The following FGF14 variants were observed in gnomAD, a reference collection of about 807,000 sequenced individuals.
FGF14 encodes the protein fibroblast growth factor 14.
Under a neutral mutation model 25.5 loss-of-function variants are expected in FGF14, and 5 were observed. The observed-to-expected ratio is 0.20, with a 90% CI of 0.10 to 0.41. The LOEUF (loss-of-function observed/expected upper bound fraction) is 0.41, where lower values mean the gene tolerates loss of function less well. Among genes scored for constraint, FGF14 ranks in the 10% least tolerant of loss-of-function variants. The probability of loss-of-function intolerance (pLI) is 1.00; values close to 1 mark genes in which losing one functional copy is unlikely to be tolerated. For missense variants in FGF14, 222 were observed against 320.1 expected (o/e 0.69, Z 2.34); for synonymous variants, 138 against 118.3 (o/e 1.17, Z -1.08).
At chr13:102,068,716 A>G (rs2043014814) in intron 1 of FGF14, among the ~76,000 whole-genome samples, 1 of 152,184 alleles carries the variant, frequency 6.6e-6, no homozygotes, top group African/African-American at 2.4e-5. Flanking sequence ...CCCGCGGGGC[A>G]GGGCTCGGGA....
intron 1 of FGF14, among the ~76,000 whole-genome samples, chr13:102,040,413 G>A (rs566440883): frequency 6.6e-6 from 1 of 152,058 alleles, no homozygotes. Context: ...CAGCTATACC[G>A]TCAAAAATTT....
rs2034736204 is a variant in FGF14, at chr13:101,716,704, C to T, written c.*6127G>A. On this transcript the variant is annotated 3_prime_UTR_variant, in exon 5 of 5. Coordinates refer to ENST00000376143, the MANE Select transcript of FGF14 (RefSeq NM_004115.4). Reference sequence around the variant, plus strand: ...TACTTTTTTTTCTAAGGATACCTTACTTACTGGAAACCTGGGGTCATGCAA... The same window carrying T: ...TACTTTTTTTTCTAAGGATACCTTATTTACTGGAAACCTGGGGTCATGCAA... 6.7e-6 allele frequency: 1 copy of T among 149,658 alleles called. No individual in the cohort carries two copies. 9.3% of individuals were successfully genotyped at this position (149,658 alleles called of 1,614,324 possible). A position where few individuals can be genotyped will look rare whatever the true frequency, so the allele number is the denominator to read the frequency against.
intron 1 of FGF14, among the ~76,000 whole-genome samples, chr13:102,049,742 C>T (rs1012414668): frequency 2.0e-5 from 3 of 152,120 alleles, no homozygotes; most frequent in Admixed American, 6.5e-5. Flanking sequence ...TTTACACACA[C>T]GCACCCCCCC....
chr13:102,288,349 T>G (rs778180189), intron 1 of FGF14, among the ~76,000 whole-genome samples: 3 of 152,150 alleles, frequency 2.0e-5, no homozygotes, highest in Non-Finnish European at 4.4e-5. Context: ...TAATTCTAAG[T>G]GCAGCATAAG....
At chr13:102,068,329 C>A (rs370925955) in intron 1 of FGF14, among the ~76,000 whole-genome samples, 1 of 152,210 alleles carries the variant, frequency 6.6e-6, no homozygotes, top group East Asian at 1.9e-4. Flanking sequence ...TCACAGCCCT[C>A]GCTCGCTCTC....
intron 3 of FGF14, among the ~76,000 whole-genome samples, chr13:101,760,422 CAG>C (rs1432047465): frequency 3.3e-5 from 5 of 152,296 alleles, no homozygotes; most frequent in African/African-American, 9.6e-5. Context: ...TGATAATTTT[CAG>C]AGTCACAAAG....
intron 1 of FGF14, among the ~76,000 whole-genome samples, chr13:102,053,401 T>G (rs2042299038): frequency 6.6e-6 from 1 of 151,902 alleles, no homozygotes. Flanking sequence ...AATAGAGAAA[T>G]TATTTCAAAT....
At chr13:101,788,965 GAGAGAC>G (rs1566904068) in intron 3 of FGF14, among the ~76,000 whole-genome samples, 3 of 80,616 alleles carry the variant, frequency 3.7e-5, no homozygotes, top group Admixed American at 1.7e-4. Flanking sequence ...GAGAGAGAGA[GAGAGAC>G]AGAGATAGAT....
chr13:101,821,010 T>TGC lies in FGF14; in HGVS notation c.408+47714_408+47715insGC, dbSNP rs1566941111. ...TCGCCCAGGCTGGAGTGCAGTGGCA[T>TGC]GATCTCGGCTCACTGCAGGCTCCGC... On this transcript the variant is annotated intron_variant, in intron 3 of 4. Coordinates refer to ENST00000376143, the MANE Select transcript of FGF14 (RefSeq NM_004115.4). Among the ~76,000 whole-genome samples, 64 of 143,156 alleles carry TGC rather than the reference T, an allele frequency of 4.5e-4. 2 individuals carry two copies. The highest frequency in any genetic ancestry group is 2.1e-4 in the East Asian group (1 of 4,690). 93.9% of individuals were successfully genotyped at this position (143,156 alleles called of 152,430 possible). A position where few individuals can be genotyped will look rare whatever the true frequency, so the allele number is the denominator to read the frequency against.
At chr13:102,378,976 C>A (rs936841488) in intron 1 of FGF14, among the ~76,000 whole-genome samples, 1 of 152,008 alleles carries the variant, frequency 6.6e-6, no homozygotes, top group Non-Finnish European at 1.5e-5. Context: ...AAAGAAGGTA[C>A]GATCATCTGT....
At chr13:102,402,197 T>A (rs1269871291), upstream of FGF14, 2 of 160,022 alleles carry the variant, frequency 1.2e-5, no homozygotes, top group East Asian at 3.7e-4. Flanking sequence ...CGATTTTTTT[T>A]TATAATCAAT....
At chr13:102,176,298 C>A (rs1447051246) in intron 1 of FGF14, among the ~76,000 whole-genome samples, 1 of 151,996 alleles carries the variant, frequency 6.6e-6, no homozygotes, top group Non-Finnish European at 1.5e-5. Flanking sequence ...GCTATTATCC[C>A]AAGTGAAATA....
At chr13:102,270,819 C>A (rs2053211184) in intron 1 of FGF14, among the ~76,000 whole-genome samples, 1 of 151,930 alleles carries the variant, frequency 6.6e-6, no homozygotes, top group African/African-American at 2.4e-5. Flanking sequence ...ATATATTAGT[C>A]CTTTGTCATG....
chr13:102,161,475 G>A (rs2047621382), intron 1 of FGF14, among the ~76,000 whole-genome samples: 1 of 151,810 alleles, frequency 6.6e-6, no homozygotes. Flanking sequence ...GACAGCAATC[G>A]TCAGTCAGTG....
intron 1 of FGF14, among the ~76,000 whole-genome samples, chr13:101,954,465 C>T (rs905276649): frequency 6.6e-6 from 1 of 152,066 alleles, no homozygotes; most frequent in Non-Finnish European, 1.5e-5. Context: ...AAAAGCAAGG[C>T]CATGTTAGGA....
At chr13:102,352,192 A>T (rs2057299188) in intron 1 of FGF14, among the ~76,000 whole-genome samples, 1 of 151,962 alleles carries the variant, frequency 6.6e-6, no homozygotes, top group South Asian at 2.1e-4. Flanking sequence ...GCAAGTTTAT[A>T]GATTTCATCA....
chr13:102,242,153 G>T (rs1218365979), intron 1 of FGF14, among the ~76,000 whole-genome samples: 1 of 152,058 alleles, frequency 6.6e-6, no homozygotes, highest in African/African-American at 2.4e-5. Flanking sequence ...TTTGTAAACT[G>T]TATGAATAAG....
chr13:101,908,744 A>G (rs1401265140), intron 1 of FGF14, among the ~76,000 whole-genome samples: 1 of 152,212 alleles, frequency 6.6e-6, no homozygotes, highest in Non-Finnish European at 1.5e-5. Flanking sequence ...AAACTACTTT[A>G]AAGTTCATGT....
intron 1 of FGF14, among the ~76,000 whole-genome samples, chr13:102,363,383 G>C (rs1434082801): frequency 6.6e-6 from 1 of 152,188 alleles, no homozygotes; most frequent in Non-Finnish European, 1.5e-5. Context: ...GATTCTGAGA[G>C]AGGTTGAGCA....
Sources: allele counts gnomAD v4.1 joint callset (sites outside exome capture counted in the v4.1 genomes callset), GRCh38; gene constraint gnomAD v4.1.1; transcripts MANE v1.5; gene names NCBI Gene and HGNC (gene_info 2026-07-23, HGNC 2026-07-21).